Variants in KIF13B observed in about 807,000 individuals in gnomAD.
KIF13B encodes the protein kinesin-like protein KIF13B.
A neutral mutation model predicts 222.0 loss-of-function variants in KIF13B; 127 were observed. The ratio of observed to expected loss-of-function variants is 0.57; its 90% CI spans 0.50 to 0.66. The LOEUF is 0.66. KIF13B is among the 30% of genes least tolerant of loss of function. KIF13B has a pLI of 0.00. For missense variants in KIF13B, 2,173 were observed against 2,379.0 expected, an observed-to-expected ratio of 0.91 and a Z score of 1.80; for synonymous variants, 976 against 919.0, an observed-to-expected ratio of 1.06 and a Z score of -1.12.
chr8:29,177,639 T>C (rs1043841275), intron 8 of KIF13B, 61 bp from the exon 9 acceptor site: 5 of 1,113,704 alleles, frequency 4.5e-6, no homozygotes, highest in Admixed American at 3.4e-5. Context: ...TGGTGGCTCA[T>C]GCCAGTAATC....
intron 1 of KIF13B, among the ~76,000 whole-genome samples, chr8:29,261,457 T>C (rs971075022): frequency 1.3e-5 from 2 of 152,230 alleles, no homozygotes; most frequent in Non-Finnish European, 2.9e-5. Flanking sequence ...CATTTCCAAG[T>C]TTTTTGTGAA....
intron 37 of KIF13B, among the ~76,000 whole-genome samples, chr8:29,089,076 T>C (rs535170426): frequency 1.3e-5 from 2 of 152,310 alleles, no homozygotes; most frequent in East Asian, 1.9e-4. Flanking sequence ...CACTCAGCCA[T>C]GCTTCTTTCA....
chr8:29,170,398 T>C (rs935927236), intron 10 of KIF13B, among the ~76,000 whole-genome samples: 4 of 152,216 alleles, frequency 2.6e-5, no homozygotes, highest in Non-Finnish European at 5.9e-5. Context: ...CGACTCTTCC[T>C]GGAGTTCACC....
rs137921780 is a variant in KIF13B at position 29,213,755 on chromosome 8, C to A, written c.150-17556G>T. Among the ~76,000 whole-genome samples, 20 of 151,988 alleles carry A rather than the reference C, an allele frequency of 1.3e-4. 1 individual carries two copies. In the East Asian group the frequency reaches 3.9e-3, roughly 29 times the overall value. ...CCTGAGGTCAGGAGTTCGAAACGAG[C>A]CTGGCCGACATGGTGAAACGCTGTC... On this transcript the variant is annotated intron_variant, in intron 2 of 39. Coordinates refer to ENST00000524189, the MANE Select transcript of KIF13B (RefSeq NM_015254.4).
intron 37 of KIF13B, among the ~76,000 whole-genome samples, chr8:29,085,509 G>GGT (rs1808002482): frequency 6.6e-6 from 1 of 151,398 alleles, no homozygotes; most frequent in South Asian, 2.1e-4. Context: ...TTTTGAGACA[G>GGT]GTGTGTGTCA....
intron 3 of KIF13B, among the ~76,000 whole-genome samples, chr8:29,192,589 CTAAAA>C (rs1323939986): frequency 6.6e-6 from 1 of 152,104 alleles, no homozygotes; most frequent in African/African-American, 2.4e-5. Flanking sequence ...TTCGCACATT[CTAAAA>C]TATTTTATCT....
intron 11 of KIF13B, 70 bp downstream of exon 11, chr8:29,167,299 AGGGG>A: frequency 7.9e-7 from 1 of 1,264,246 alleles, no homozygotes; most frequent in Admixed American, 1.9e-5. Flanking sequence ...CTCACAGCCC[AGGGG>A]AAGGAAATTC....
At chr8:29,084,177 A>G (rs1161044760) in intron 37 of KIF13B, among the ~76,000 whole-genome samples, 1 of 152,112 alleles carries the variant, frequency 6.6e-6, no homozygotes, top group African/African-American at 2.4e-5. Flanking sequence ...CGGCCTCCCA[A>G]AGTGCTGGGA....
chr8:29,148,398 C>T (rs1375204074), intron 16 of KIF13B, among the ~76,000 whole-genome samples, 179 bp downstream of exon 16: 1 of 141,080 alleles, frequency 7.1e-6, no homozygotes, highest in African/African-American at 2.7e-5. Flanking sequence ...TAACACTCTA[C>T]CGTTTTTTTT....
chr8:29,092,671 C>A, intron 37 of KIF13B, 74 bp downstream of exon 37: 2 of 1,461,818 alleles, frequency 1.4e-6, no homozygotes, highest in Non-Finnish European at 9.1e-7. Context: ...GCACCTCCAC[C>A]TCCAGCTTTG....
chr8:29,157,420 T>C (rs898902089), intron 13 of KIF13B, among the ~76,000 whole-genome samples: 3 of 137,354 alleles, frequency 2.2e-5, no homozygotes, highest in Non-Finnish European at 4.7e-5. Flanking sequence ...AAAAAAATTG[T>C]GGCCAGGTGC....
rs1282194504 is a variant in KIF13B, at chr8:29,148,641, A to G, written c.1749T>C (p.Ser583=). 1 of 1,613,188 alleles carries G rather than the reference A, an allele frequency of 6.2e-7. No homozygotes were observed. Among genetic ancestry groups the G allele is most frequent in the Non-Finnish European group, 8.5e-7 (1 of 1,179,588 alleles). The change falls in exon 16 of 40, where the codon AGT becomes AGC. Residue 583 remains serine (S), a synonymous_variant. Coordinates refer to ENST00000524189, the MANE Select transcript of KIF13B (RefSeq NM_015254.4). ...VDGDSSSEVS[S]EVNFNYEYAQ... ...CGTATTCGTAATTAAAGTTAACTTCACTGGACACCTCGCTGGAGGAGTCTC... is the reference window on the plus strand; with the variant it reads ...CGTATTCGTAATTAAAGTTAACTTCGCTGGACACCTCGCTGGAGGAGTCTC...
At chr8:29,109,562 C>T in intron 33 of KIF13B, 51 bp from the exon 34 acceptor site, 1 of 1,414,972 alleles carries the variant, frequency 7.1e-7, no homozygotes, top group South Asian at 1.2e-5. Context: ...AGACACACTG[C>T]AAAAGCAACA....
chr8:29,121,021 G>T, intron 29 of KIF13B, among the ~76,000 whole-genome samples: 1 of 135,210 alleles, frequency 7.4e-6, no homozygotes, highest in Admixed American at 7.6e-5. Context: ...ACTTTTTGAT[G>T]GGGTTGTTTG....
chr8:29,116,332 G>C (rs560129302), intron 31 of KIF13B, among the ~76,000 whole-genome samples: 1 of 152,334 alleles, frequency 6.6e-6, no homozygotes, highest in Non-Finnish European at 1.5e-5. Context: ...AGCCGGATGT[G>C]GTGGCACACG....
At chr8:29,196,274 A>T in intron 2 of KIF13B, 75 bp from the exon 3 acceptor site, 1 of 1,293,874 alleles carries the variant, frequency 7.7e-7, no homozygotes, top group Non-Finnish European at 1.1e-6. Context: ...AGTTTAGAAG[A>T]CTTTTTTTGA....
intron 1 of KIF13B, among the ~76,000 whole-genome samples, chr8:29,247,469 G>C (rs191408142): frequency 9.7e-4 from 148 of 152,230 alleles, no homozygotes; most frequent in African/African-American, 3.2e-3. Context: ...AAAAGTATTT[G>C]CAAATCATGT....
At chr8:29,148,328 T>C (rs1022246594) in intron 16 of KIF13B, among the ~76,000 whole-genome samples, 2 of 151,714 alleles carry the variant, frequency 1.3e-5, no homozygotes, top group Non-Finnish European at 2.9e-5. Context: ...ATACAGAGAA[T>C]AGCAACATAA....
At chr8:29,191,973 G>A (rs1019226235) in intron 3 of KIF13B, among the ~76,000 whole-genome samples, 1 of 152,146 alleles carries the variant, frequency 6.6e-6, no homozygotes, top group Non-Finnish European at 1.5e-5. Context: ...TATGCTTCCT[G>A]ATGATGGTTT....
Sources: allele counts gnomAD v4.1 joint callset (sites outside exome capture counted in the v4.1 genomes callset), GRCh38; gene constraint gnomAD v4.1.1; transcripts MANE v1.5; gene names NCBI Gene and HGNC (gene_info 2026-07-23, HGNC 2026-07-21).